YIPF1: variants seen among roughly 807,000 people sequenced by gnomAD.
The protein encoded by YIPF1 is Yip1 domain family member 1.
A neutral mutation model predicts 37.0 loss-of-function variants in YIPF1; 22 were observed. That is an observed-to-expected ratio of 0.59 (90% CI 0.42 to 0.85). YIPF1 has a LOEUF of 0.85. YIPF1 is among the 40% of genes least tolerant of loss of function. The probability of loss-of-function intolerance (pLI) is 0.00; values close to 1 mark genes in which losing one functional copy is unlikely to be tolerated. For synonymous variants in YIPF1, 128 were observed against 131.9 expected, an observed-to-expected ratio of 0.97 and a Z score of 0.21; for missense variants, 355 against 373.1, an observed-to-expected ratio of 0.95 and a Z score of 0.40.
intron 4 of YIPF1, among the ~76,000 whole-genome samples, chr1:53,881,261 A>C (rs1008591105): frequency 2.1e-3 from 247 of 115,194 alleles, no homozygotes; most frequent in Non-Finnish European, 4.0e-3. Context: ...AAAAAAAAAA[A>C]GAAAAAGAAA....
At chr1:53,871,829 C>G (rs1459529682) in intron 6 of YIPF1, among the ~76,000 whole-genome samples, 1 of 151,914 alleles carries the variant, frequency 6.6e-6, no homozygotes, top group Admixed American at 6.6e-5. Context: ...AAACCTTCCA[C>G]CAGAATACAT....
chr1:53,858,790 A>G (rs771616898), intron 10 of YIPF1, among the ~76,000 whole-genome samples: 1 of 152,184 alleles, frequency 6.6e-6, no homozygotes, highest in African/African-American at 2.4e-5. Flanking sequence ...GCATGCCACC[A>G]TGCCAAGCTA....
At chr1:53,867,982 T>C (rs952554984) in intron 7 of YIPF1, among the ~76,000 whole-genome samples, 10 of 152,210 alleles carry the variant, frequency 6.6e-5, no homozygotes, top group Non-Finnish European at 1.0e-4. Context: ...AGGTAAGCCA[T>C]GGCACCAGCC....
In YIPF1 at chr1:53,871,372, C is replaced by A; in HGVS notation, c.481G>T (p.Val161Leu). The A allele has an allele frequency of 6.2e-7, 1 of 1,613,042 alleles. No individual in the cohort carries two copies. The highest frequency in any genetic ancestry group is 8.5e-7 in the Non-Finnish European group (1 of 1,179,408). Residue 161 changes from valine (V) to leucine (L), a missense_variant and splice_region_variant, in exon 7 of 11, where the codon GTG becomes TTG. Coordinates refer to ENST00000072644, the MANE Select transcript of YIPF1 (RefSeq NM_018982.5). ...CAAATGAGTCAAGCTATTCACCAAC[C>A]TTTTCGGAATTCGGGCACATAATGG... Reference protein sequence around the residue: ...TYHYVPEFRKVSIAATIIYAY... With the variant: ...TYHYVPEFRKLSIAATIIYAY...
chr1:53,878,809 G>A, intron 4 of YIPF1, 87 bp from the exon 5 acceptor site: 2 of 1,269,750 alleles, frequency 1.6e-6, no homozygotes, highest in Non-Finnish European at 1.1e-6. Context: ...CTGATCTAAT[G>A]GAAAAGCAAA....
chr1:53,874,545 C>T (rs1408887540), intron 6 of YIPF1, among the ~76,000 whole-genome samples: 3 of 151,878 alleles, frequency 2.0e-5, no homozygotes, highest in Admixed American at 2.0e-4. Flanking sequence ...GGCAGGCAGA[C>T]CATTTGAGGT....
chr1:53,856,259 T>C (rs1649715962), intron 10 of YIPF1, among the ~76,000 whole-genome samples: 2 of 152,214 alleles, frequency 1.3e-5, no homozygotes, highest in Admixed American at 1.3e-4. Flanking sequence ...TGCTAAGTCT[T>C]CAAGGGCCCT....
intron 4 of YIPF1, among the ~76,000 whole-genome samples, chr1:53,882,539 C>T (rs1302243237): frequency 6.6e-6 from 1 of 151,820 alleles, no homozygotes; most frequent in Non-Finnish European, 1.5e-5. Context: ...CTCACTGCAA[C>T]CTCTACTCCC....
At chr1:53,874,659 G>A (rs1293378058) in intron 6 of YIPF1, among the ~76,000 whole-genome samples, 10 of 151,954 alleles carry the variant, frequency 6.6e-5, no homozygotes, top group African/African-American at 2.4e-4. Context: ...CCAGCTACTC[G>A]GGAAGGCTGA....
At chr1:53,852,613 T>A (rs980686299) in intron 10 of YIPF1, among the ~76,000 whole-genome samples, 1 of 152,124 alleles carries the variant, frequency 6.6e-6, no homozygotes, top group Non-Finnish European at 1.5e-5. Flanking sequence ...GGAGAAAAGA[T>A]AAGAGTGGAT....
At chr1:53,887,085 GTGTT>G (rs1304166465) in intron 3 of YIPF1, among the ~76,000 whole-genome samples, 6 of 151,936 alleles carry the variant, frequency 3.9e-5, no homozygotes, top group African/African-American at 7.3e-5. Flanking sequence ...TTTCGTTTTT[GTGTT>G]TGTTTGTTTA....
intron 7 of YIPF1, among the ~76,000 whole-genome samples, chr1:53,868,247 AACTACT>A (rs945544077): frequency 6.6e-6 from 1 of 152,180 alleles, no homozygotes; most frequent in African/African-American, 2.4e-5. Flanking sequence ...CTTATTGATC[AACTACT>A]GGGCATCAGG....
At chr1:53,887,836 A>C (rs1344230964) in intron 3 of YIPF1, among the ~76,000 whole-genome samples, 1 of 152,236 alleles carries the variant, frequency 6.6e-6, no homozygotes, top group Non-Finnish European at 1.5e-5. Context: ...AAAACAGGGG[A>C]ATAAAGTAAC....
chr1:53,884,036 C>G (rs1396815317), intron 3 of YIPF1, among the ~76,000 whole-genome samples: 2 of 146,174 alleles, frequency 1.4e-5, no homozygotes, highest in Non-Finnish European at 3.0e-5. Context: ...GACTATGTCT[C>G]AAAAAAAAAG....
Position 53,866,827 on chromosome 1 carries a change from G to A in YIPF1, c.579C>T (p.Ile193=), listed in dbSNP as rs377154809. 2.4e-5 allele frequency: 39 copies of A among 1,614,040 alleles called. No individual in the cohort carries two copies. Among genetic ancestry groups the A allele is most frequent in the East Asian group, 4.5e-5 (2 of 44,894 alleles). ...CAATCTCCAGAAATGAATAGGAGAC[G>A]ATGTTCATAACTTTGCTGTTTCTCC... The part of the protein sequence containing the change: ...LMWRNSKVMN[I]VSYSFLEIVC... The change falls in exon 8 of 11, where the codon ATC becomes ATT. Residue 193 remains isoleucine (I), a synonymous_variant. Coordinates refer to ENST00000072644, the MANE Select transcript of YIPF1 (RefSeq NM_018982.5).
At chr1:53,886,434 A>G (rs934263490) in intron 3 of YIPF1, among the ~76,000 whole-genome samples, 6 of 151,860 alleles carry the variant, frequency 4.0e-5, no homozygotes, top group Non-Finnish European at 8.8e-5. Context: ...ATCCTGGCAT[A>G]TCCTAAGCTA....
At chr1:53,869,876 T>TC (rs1193249831) in intron 7 of YIPF1, among the ~76,000 whole-genome samples, 1 of 149,810 alleles carries the variant, frequency 6.7e-6, no homozygotes, top group East Asian at 1.9e-4. Flanking sequence ...TCCCCGCTTT[T>TC]TTTTTTTTTT....
chr1:53,876,368 T>C (rs1348029498), intron 6 of YIPF1, among the ~76,000 whole-genome samples: 1 of 152,240 alleles, frequency 6.6e-6, no homozygotes, highest in Non-Finnish European at 1.5e-5. Context: ...AGGTGAAATG[T>C]AGTCAAAGTT....
At chr1:53,874,074 AT>A (rs1038388111) in intron 6 of YIPF1, among the ~76,000 whole-genome samples, 3 of 152,038 alleles carry the variant, frequency 2.0e-5, no homozygotes, top group African/African-American at 7.2e-5. Context: ...AGCCCTTAGC[AT>A]TTTTGTCCCT....
Sources: gnomAD v4.1 joint callset for allele counts (sites outside exome capture counted in the v4.1 genomes callset) on GRCh38, gnomAD v4.1.1 for gene constraint, MANE v1.5 for transcripts, NCBI Gene and HGNC (gene_info 2026-07-23, HGNC 2026-07-21) for gene names.